The following HEXB variants were observed in gnomAD, a reference collection of about 807,000 sequenced individuals.
HEXB encodes beta-hexosaminidase subunit beta.
In HEXB, 51 loss-of-function variants were observed where a neutral mutation model predicts 71.2. That is an observed-to-expected ratio of 0.72 (90% CI 0.57 to 0.90). The LOEUF is 0.90. Among genes scored for constraint, HEXB ranks in the 40% least tolerant of loss-of-function variants. The probability of loss-of-function intolerance (pLI) is 0.00; values close to 1 mark genes in which losing one functional copy is unlikely to be tolerated. For synonymous variants in HEXB, 266 were observed against 249.3 expected, an observed-to-expected ratio of 1.07 and a Z score of -0.63; for missense variants, 617 against 677.0, an observed-to-expected ratio of 0.91 and a Z score of 0.98.
At chr5:74,649,882 A>G (rs549361254) in intron 1 of HEXB, among the ~76,000 whole-genome samples, 1 of 152,380 alleles carries the variant, frequency 6.6e-6, no homozygotes, top group African/African-American at 2.4e-5. Context: ...TAGATCAGAC[A>G]TAGTTCCTTA....
At position 74,721,196 on chromosome 5, in the gene HEXB, C is replaced by A; in HGVS notation, c.*21C>A. The stretch of plus-strand genomic sequence containing the variant: ...TGTAAAAAATGGAGGGGAAAAAGGC[C>A]ACAGCAATCTGTACTACAATCAACT... On this transcript the variant is annotated 3_prime_UTR_variant, in exon 14 of 14. Coordinates refer to ENST00000261416, the MANE Select transcript of HEXB (RefSeq NM_000521.4). The A allele has an allele frequency of 6.3e-7, 1 of 1,575,884 alleles. No homozygotes were observed.
upstream of HEXB, chr5:74,685,071 G>C (rs1030063378): frequency 1.7e-6 from 1 of 582,948 alleles, no homozygotes; most frequent in Non-Finnish European, 2.8e-6. Flanking sequence ...GGAAATTCTC[G>C]AGGTGACCTG....
chr5:74,695,607 G>A lies in HEXB; in HGVS notation c.512-1086G>A, dbSNP rs375298612. 1.5e-3 allele frequency among the ~76,000 whole-genome samples: 231 copies of A among 151,190 alleles called. 2 individuals are homozygous for A. Among genetic ancestry groups the A allele is most frequent in the African/African-American group, 5.3e-3 (219 of 41,362 alleles). ...TGTAATCCCAGCACTTTGGGAGGCC[G>A]AGGTGGGTGGATCACTTGAGGTCAG... On this transcript the variant is annotated intron_variant, in intron 3 of 13. Coordinates refer to ENST00000261416, the MANE Select transcript of HEXB (RefSeq NM_000521.4).
rs182746852 is a variant in HEXB, at chr5:74,663,107, A to G, written c.-377+22549A>G. On this transcript the variant is annotated intron_variant, in intron 1 of 13. Coordinates refer to the HEXB transcript ENST00000511181. ...TTTAGAACTCAGTAAACGAAGACCC[A>G]AGAACGCATATGGGCATCTGCTACA... Among the ~76,000 whole-genome samples, 492 of 152,248 alleles carry G rather than the reference A, an allele frequency of 3.2e-3. 4 individuals are homozygous for G. Among genetic ancestry groups the G allele is most frequent in the African/African-American group, 0.011 (456 of 41,552 alleles).
upstream of HEXB, among the ~76,000 whole-genome samples, chr5:74,684,674 C>CTTTTTTTTTTTT (rs1191674612): frequency 5.2e-5 from 7 of 133,892 alleles, no homozygotes; most frequent in Admixed American, 1.5e-4. Context: ...TTTTTCTTTT[C>CTTTTTTTTTTTT]TTTTTTTTTT....
At chr5:74,684,802 C>T (rs1210840476), upstream of HEXB, among the ~76,000 whole-genome samples, 1 of 151,834 alleles carries the variant, frequency 6.6e-6, no homozygotes, top group Non-Finnish European at 1.5e-5. Context: ...CTCAGCCTCC[C>T]GAGTAGCTGG....
chr5:74,706,453 T>C (rs1361235964), intron 6 of HEXB, among the ~76,000 whole-genome samples: 2 of 152,138 alleles, frequency 1.3e-5, no homozygotes, highest in Non-Finnish European at 2.9e-5. Context: ...CGCAGGACAG[T>C]GGGTGCAGCG....
At chr5:74,702,669 T>C (rs1307222859) in intron 5 of HEXB, among the ~76,000 whole-genome samples, 1 of 152,220 alleles carries the variant, frequency 6.6e-6, no homozygotes, top group African/African-American at 2.4e-5. Context: ...TTAAGTATCT[T>C]GTGGGAAGAA....
At chr5:74,710,468 TA>T (rs1749513379) in intron 6 of HEXB, among the ~76,000 whole-genome samples, 1 of 152,088 alleles carries the variant, frequency 6.6e-6, no homozygotes, top group Admixed American at 6.5e-5. Context: ...AAATAAAAGG[TA>T]TTCAATTAGG....
intron 1 of HEXB, among the ~76,000 whole-genome samples, chr5:74,678,122 C>A (rs1037121712): frequency 2.0e-5 from 3 of 152,008 alleles, no homozygotes; most frequent in Non-Finnish European, 4.4e-5. Flanking sequence ...CATGGTGAAA[C>A]CCCGTCTTTA....
chr5:74,654,938 G>C (rs1384686756), intron 1 of HEXB, among the ~76,000 whole-genome samples: 3 of 152,136 alleles, frequency 2.0e-5, no homozygotes, highest in South Asian at 4.1e-4. Flanking sequence ...GAGAGATGGT[G>C]AGCTCAGGAC....
intron 5 of HEXB, among the ~76,000 whole-genome samples, chr5:74,699,060 C>T (rs183030471): frequency 6.6e-5 from 10 of 152,068 alleles, no homozygotes; most frequent in African/African-American, 1.9e-4. Context: ...TGGTGCACGC[C>T]TGTAATTCCA....
chr5:74,695,381 T>C (rs1322529817), intron 3 of HEXB, among the ~76,000 whole-genome samples: 1 of 150,980 alleles, frequency 6.6e-6, no homozygotes, highest in African/African-American at 2.4e-5. Flanking sequence ...TTTTTTGTAT[T>C]TTTAGTAGAG....
chr5:74,711,843 C>T (rs1484091969), intron 6 of HEXB, among the ~76,000 whole-genome samples: 5 of 151,942 alleles, frequency 3.3e-5, no homozygotes, highest in African/African-American at 1.2e-4. Flanking sequence ...GGACTGTAAA[C>T]TAGTTCAACC....
intron 13 of HEXB, 71 bp from the exon 14 acceptor site, chr5:74,721,043 TATCA>T (rs1048010625): frequency 4.2e-6 from 5 of 1,187,990 alleles, no homozygotes; most frequent in Non-Finnish European, 3.7e-6. Flanking sequence ...ATGACATGAA[TATCA>T]ATCTAAAATA....
At chr5:74,678,628 G>A (rs1748679626) in intron 1 of HEXB, among the ~76,000 whole-genome samples, 1 of 151,848 alleles carries the variant, frequency 6.6e-6, no homozygotes, top group Non-Finnish European at 1.5e-5. Context: ...GGGGAAAAAA[G>A]GGAATTTTTA....
chr5:74,713,181 T>C (rs764906611), intron 6 of HEXB, among the ~76,000 whole-genome samples: 2 of 152,218 alleles, frequency 1.3e-5, no homozygotes, highest in African/African-American at 2.4e-5. Flanking sequence ...CAGATATTTC[T>C]ACCAGTAAAT....
chr5:74,693,078 C>G (rs986682919), intron 2 of HEXB, among the ~76,000 whole-genome samples: 2 of 152,096 alleles, frequency 1.3e-5, no homozygotes, highest in African/African-American at 4.8e-5. Context: ...AGTCTTAAGG[C>G]AGATTTGGAT....
rs530496446 is a variant in HEXB at position 74,688,428 on chromosome 5, G to A, written c.300-900G>A. Reference sequence around the variant, plus strand: ...CTCACTGCTGCAACCTCCACCTCCCGGGTCCAAGCAGTTCTCCTGCCTCAG... The same window carrying A: ...CTCACTGCTGCAACCTCCACCTCCCAGGTCCAAGCAGTTCTCCTGCCTCAG... On this transcript the variant is annotated intron_variant, in intron 1 of 13. Transcript: ENST00000261416. Among the ~76,000 whole-genome samples, 13 of 151,402 alleles carry A rather than the reference G, an allele frequency of 8.6e-5. 1 individual carries two copies. The South Asian group carries it at 2.5e-3, about 29-fold the overall frequency.
Sources: allele counts gnomAD v4.1 joint callset (sites outside exome capture counted in the v4.1 genomes callset), GRCh38; gene constraint gnomAD v4.1.1; transcripts MANE v1.5; gene names NCBI Gene and HGNC (gene_info 2026-07-23, HGNC 2026-07-21).